The following SPAG16 variants were observed in gnomAD, a reference collection of about 807,000 sequenced individuals.
SPAG16 encodes the protein sperm-associated antigen 16 protein.
In SPAG16, 86 loss-of-function variants were observed where a neutral mutation model predicts 80.4. The observed-to-expected ratio is 1.07, with a 90% CI of 0.90 to 1.28. The LOEUF (loss-of-function observed/expected upper bound fraction) is 1.28, where lower values mean the gene tolerates loss of function less well. SPAG16 is among the 50% of genes most tolerant of loss of function. The pLI, the probability that SPAG16 is intolerant of heterozygous loss-of-function variation, is 0.00. For synonymous variants in SPAG16, 294 were observed against 265.9 expected, an observed-to-expected ratio of 1.11 and a Z score of -1.03; for missense variants, 870 against 765.3, an observed-to-expected ratio of 1.14 and a Z score of -1.61.
At chr2:213,422,319 G>T in intron 9 of SPAG16, 1 of 701,508 alleles carries the variant, frequency 1.4e-6, no homozygotes, top group Non-Finnish European at 2.6e-6. Flanking sequence ...GAGTGCATCT[G>T]ATCCAGCTCC....
At position 213,528,099 on chromosome 2, in the gene SPAG16, G is replaced by A. The variant is rs538653528; in HGVS notation, c.1070+38009G>A. Among the ~76,000 whole-genome samples, 10 of 152,186 alleles carry A rather than the reference G, an allele frequency of 6.6e-5. No homozygotes were observed. The South Asian group carries it at 2.1e-3, about 32-fold the overall frequency. ...TTGAAAATATAACAGAAGAGATGAA[G>A]CTTATATGGGATTTTAGTTCAGGAC... On this transcript the variant is annotated intron_variant, in intron 10 of 15. Coordinates refer to ENST00000331683, the MANE Select transcript of SPAG16 (RefSeq NM_024532.5).
chr2:213,664,713 A>G (rs369818417), intron 10 of SPAG16, among the ~76,000 whole-genome samples: 99 of 152,226 alleles, frequency 6.5e-4, no homozygotes, highest in African/African-American at 2.3e-3. Flanking sequence ...TTGGATTCTC[A>G]GACTCAAGAG....
chr2:214,305,947 A>G (rs1694880036), intron 15 of SPAG16, among the ~76,000 whole-genome samples: 1 of 152,048 alleles, frequency 6.6e-6, no homozygotes, highest in Non-Finnish European at 1.5e-5. Flanking sequence ...ATAGCATTTA[A>G]TTTATAAATT....
chr2:213,543,901 T>C (rs1438640033), intron 10 of SPAG16, among the ~76,000 whole-genome samples: 1 of 152,134 alleles, frequency 6.6e-6, no homozygotes, highest in Non-Finnish European at 1.5e-5. Flanking sequence ...ATTGGAATAA[T>C]TACATTGCTA....
intron 10 of SPAG16, among the ~76,000 whole-genome samples, chr2:213,846,138 C>T (rs999752797): frequency 1.3e-5 from 2 of 152,048 alleles, no homozygotes; most frequent in Non-Finnish European, 2.9e-5. Flanking sequence ...ATTTTTTAAA[C>T]TACTGTGATT....
intron 13 of SPAG16, among the ~76,000 whole-genome samples, chr2:214,044,269 T>C (rs1191979528): frequency 6.6e-6 from 1 of 152,208 alleles, no homozygotes; most frequent in African/African-American, 2.4e-5. Flanking sequence ...GTAATACATT[T>C]TCTAAGTAAT....
intron 10 of SPAG16, among the ~76,000 whole-genome samples, chr2:213,519,838 C>T (rs1386194291): frequency 6.6e-6 from 1 of 152,022 alleles, no homozygotes; most frequent in Non-Finnish European, 1.5e-5. Context: ...TCTCCCAAAA[C>T]AATATGTTGA....
chr2:213,431,292 A>G (rs1296889861), intron 9 of SPAG16, among the ~76,000 whole-genome samples: 1 of 152,134 alleles, frequency 6.6e-6, no homozygotes, highest in Non-Finnish European at 1.5e-5. Context: ...AAAACCTCAC[A>G]TACAAATAAT....
At chr2:213,325,311 A>G (rs1295803845) in intron 5 of SPAG16, among the ~76,000 whole-genome samples, 1 of 151,980 alleles carries the variant, frequency 6.6e-6, no homozygotes, top group East Asian at 1.9e-4. Context: ...GGTCACAGAG[A>G]TATTCTGTGT....
At chr2:214,228,903 G>T (rs190055854) in intron 15 of SPAG16, among the ~76,000 whole-genome samples, 13 of 151,940 alleles carry the variant, frequency 8.6e-5, no homozygotes, top group Admixed American at 6.6e-4. Flanking sequence ...ACCAATATCT[G>T]ATTTGACTTT....
At chr2:214,408,953 C>T (rs1269066240) in intron 15 of SPAG16, among the ~76,000 whole-genome samples, 1 of 151,552 alleles carries the variant, frequency 6.6e-6, no homozygotes, top group Non-Finnish European at 1.5e-5. Flanking sequence ...ATTTAAAATA[C>T]AGATAAATAG....
At chr2:213,633,592 G>T (rs992575563) in intron 10 of SPAG16, among the ~76,000 whole-genome samples, 1 of 152,100 alleles carries the variant, frequency 6.6e-6, no homozygotes, top group Non-Finnish European at 1.5e-5. Flanking sequence ...TATAGTGCCA[G>T]TAAGATCTGT....
At chr2:213,801,295 TCTA>T (rs530532440) in intron 10 of SPAG16, among the ~76,000 whole-genome samples, 111 of 152,340 alleles carry the variant, frequency 7.3e-4, no homozygotes, top group Admixed American at 5.9e-3. Context: ...AATTTATGAT[TCTA>T]CTAATCAGGT....
chr2:213,715,057 CTT>C (rs2066169480), intron 10 of SPAG16, among the ~76,000 whole-genome samples: 1 of 152,120 alleles, frequency 6.6e-6, no homozygotes. Context: ...ATGGGATTTG[CTT>C]TTCAGTGTGA....
intron 15 of SPAG16, among the ~76,000 whole-genome samples, chr2:214,180,950 T>A (rs1225271422): frequency 6.6e-6 from 1 of 151,768 alleles, no homozygotes; most frequent in Non-Finnish European, 1.5e-5. Flanking sequence ...CAAACTTCTG[T>A]TGTCTCTCAG....
intron 15 of SPAG16, among the ~76,000 whole-genome samples, chr2:214,391,340 T>C (rs896502891): frequency 6.6e-6 from 1 of 152,202 alleles, no homozygotes; most frequent in Non-Finnish European, 1.5e-5. Flanking sequence ...TTTTGCTTCA[T>C]CTTTTTCATT....
chr2:213,830,236 T>C (rs1442525191), intron 10 of SPAG16, among the ~76,000 whole-genome samples: 1 of 152,082 alleles, frequency 6.6e-6, no homozygotes, highest in African/African-American at 2.4e-5. Context: ...TCTCCCTCCA[T>C]GGACATCAAC....
intron 12 of SPAG16, among the ~76,000 whole-genome samples, chr2:213,945,244 T>C (rs2079390463): frequency 6.7e-6 from 1 of 149,400 alleles, no homozygotes; most frequent in Non-Finnish European, 1.5e-5. Flanking sequence ...TATATATGTG[T>C]ATATATACAA....
At chr2:214,116,531 C>G (rs2053943499) in intron 14 of SPAG16, among the ~76,000 whole-genome samples, 1 of 152,212 alleles carries the variant, frequency 6.6e-6, no homozygotes, top group African/African-American at 2.4e-5. Context: ...GCTGCTGTCA[C>G]ACAGCAGATC....
Sources: allele counts gnomAD v4.1 joint callset (sites outside exome capture counted in the v4.1 genomes callset), GRCh38; gene constraint gnomAD v4.1.1; transcripts MANE v1.5; gene names NCBI Gene and HGNC (gene_info 2026-07-23, HGNC 2026-07-21).